The following PGAP2 variants were observed in gnomAD, a reference collection of about 807,000 sequenced individuals.
PGAP2 encodes the protein acyltransferase PGAP2.
Under a neutral mutation model 33.2 loss-of-function variants are expected in PGAP2, and 21 were observed. The ratio of observed to expected loss-of-function variants is 0.63; its 90% confidence interval spans 0.45 to 0.91. The LOEUF is 0.91. Among genes scored for constraint, PGAP2 ranks in the 40% least tolerant of loss-of-function variants. The pLI, the probability that PGAP2 is intolerant of heterozygous loss-of-function variation, is 0.00. For missense variants in PGAP2, 345 were observed against 424.0 expected (o/e 0.81, Z 1.64); for synonymous variants, 161 against 172.9 (o/e 0.93, Z 0.54).
chr11:3,809,805 A>G (rs1225397710), intron 1 of PGAP2, among the ~76,000 whole-genome samples: 4 of 152,202 alleles, frequency 2.6e-5, no homozygotes, highest in Non-Finnish European at 5.9e-5. Context: ...AACTTGAGCA[A>G]TTGGAGCAGG....
At position 3,823,937 on chromosome 11, in the gene PGAP2, C is replaced by T; in HGVS notation, c.403C>T (p.Arg135Cys). The part of the protein sequence containing the change: ...SSAIGGEVPQ[R>C]YVWRFCIGLH... ...AGCCATCGGCGGGGAGGTGCCCCAG[C>T]GCTACGTGTGGCGTTTCTGCATCGG... The change falls in exon 4 of 7, where the codon CGC becomes TGC. Residue 135 changes from arginine to cysteine, a missense_variant. Arg to Cys is a radical substitution (Grantham distance 180). Coordinates refer to ENST00000278243, the MANE Select transcript of PGAP2 (RefSeq NM_014489.4). The T allele has an allele frequency of 3.1e-6, 5 of 1,604,620 alleles. No individual in the cohort carries two copies. The highest frequency in any genetic ancestry group is 4.2e-6 in the Non-Finnish European group (5 of 1,179,898).
upstream of PGAP2, among the ~76,000 whole-genome samples, chr11:3,803,667 T>C (rs1220611007): frequency 6.6e-6 from 1 of 151,450 alleles, no homozygotes; most frequent in Non-Finnish European, 1.5e-5. Context: ...ACATTAAATG[T>C]TCCACCTGCC....
intron 1 of PGAP2, among the ~76,000 whole-genome samples, 190 bp downstream of exon 1, chr11:3,808,841 C>G (rs1370380221): frequency 6.6e-6 from 1 of 152,212 alleles, no homozygotes; most frequent in African/African-American, 2.4e-5. Flanking sequence ...TCTTCTCCCT[C>G]CCCAGCGTGG....
Position 3,825,370 on chromosome 11 carries a change from C to T in PGAP2, c.860C>T (p.Thr287Ile). ...FAILEYTVVLTNMAFHMTAWW... is the reference protein window; with the variant it reads ...FAILEYTVVLINMAFHMTAWW... ...ATCCTGGAGTACACTGTTGTCTTAA[C>T]CAACATGGCGTTCCACATGACGGCC... Residue 287 changes from threonine (T) to isoleucine (I), a missense_variant, in exon 7 of 7, where the codon ACC becomes ATC. Around this residue, in one of 2 missense-constraint regions of PGAP2, gnomAD observed 311 missense variants for 353.6 expected, o/e 0.88. Transcript: ENST00000278243. 1 of 1,613,716 alleles carries T rather than the reference C, an allele frequency of 6.2e-7. No homozygotes were observed. The highest frequency in any genetic ancestry group is 8.5e-7 in the Non-Finnish European group (1 of 1,179,714).
upstream of PGAP2, chr11:3,808,548 C>T (rs939446708): frequency 2.2e-6 from 3 of 1,394,356 alleles, no homozygotes; most frequent in African/African-American, 1.5e-5. Context: ...GAGCGCCGGC[C>T]CCGCCCCCGC....
At chr11:3,808,068 G>A, upstream of PGAP2, 3 of 1,115,248 alleles carry the variant, frequency 2.7e-6, no homozygotes, top group South Asian at 5.1e-5. Context: ...GTGCCTCACC[G>A]GGTCTCACTG....
upstream of PGAP2, among the ~76,000 whole-genome samples, chr11:3,806,849 C>A (rs915817219): frequency 4.6e-5 from 7 of 151,956 alleles, no homozygotes; most frequent in African/African-American, 1.5e-4. Flanking sequence ...TGGCGAAACC[C>A]CATCTCTACT....
Position 3,811,541 on chromosome 11 carries a change from G to T in PGAP2, c.165+117G>T. ...CACTGGGGCCCATCAAACATACGGG[G>T]CTGCTGGGGGGATGCCTGCAAATTG... On this transcript the variant is annotated intron_variant, in intron 2 of 6. Coordinates refer to ENST00000278243, the MANE Select transcript of PGAP2 (RefSeq NM_014489.4). This position sits in a 1 kb window ranked among gnomAD's most constrained non-coding sequence, Gnocchi z 4.6. 1.1e-6 allele frequency: 1 copy of T among 952,326 alleles called. No individual in the cohort carries two copies. Among genetic ancestry groups the T allele is most frequent in the South Asian group, 1.8e-5 (1 of 56,558 alleles). 59.0% of individuals were successfully genotyped at this position (952,326 alleles called of 1,614,324 possible). A position where few individuals can be genotyped will look rare whatever the true frequency, so the allele number is the denominator to read the frequency against.
intron 2 of PGAP2, among the ~76,000 whole-genome samples, chr11:3,814,861 T>TC (rs1349305248): frequency 4.0e-5 from 6 of 150,862 alleles, no homozygotes; most frequent in African/African-American, 1.2e-4. Context: ...CTTCTTTCTT[T>TC]CTTTTCTTTC....
rs760683179 is a variant in PGAP2 at position 3,825,452 on chromosome 11, A to G, written c.942A>G (p.Arg314=). ...TAACCTCTCAGCCTGAGGAAAAGCGATTCTGAACCCTTCAGTCCTGCTTGG... is the reference window on the plus strand; with the variant it reads ...TAACCTCTCAGCCTGAGGAAAAGCGGTTCTGAACCCTTCAGTCCTGCTTGG... ...LLITSQPEEK[R]F The change falls in exon 7 of 7, where the codon CGA becomes CGG. Residue 314 remains arginine, a synonymous_variant. Transcript: ENST00000278243. 1.2e-6 allele frequency: 2 copies of G among 1,613,108 alleles called. No individual in the cohort carries two copies.
Position 3,817,404 on chromosome 11 carries a change from G to T in PGAP2, c.217G>T (p.Gly73Trp), listed in dbSNP as rs772980158. ...GGCCTCCCAGCCTTTGGACCCCGATGGGACCTTGTTCCGGCTTCGCTTCAC... is the reference window on the plus strand; with the variant it reads ...GGCCTCCCAGCCTTTGGACCCCGATTGGACCTTGTTCCGGCTTCGCTTCAC... ...SAASQPLDPD[G>W]TLFRLRFTAM... Residue 73 changes from glycine (G) to tryptophan (W), a missense_variant, in exon 3 of 7, where the codon GGG (glycine) becomes TGG (tryptophan). Transcript: ENST00000278243. 7 of 1,614,178 alleles carry T rather than the reference G, an allele frequency of 4.3e-6. No individual in the cohort carries two copies. The highest frequency in any genetic ancestry group is 5.9e-6 in the Non-Finnish European group (7 of 1,180,026).
chr11:3,800,029 T>C (rs1295364650), intron 1 of PGAP2, among the ~76,000 whole-genome samples: 1 of 152,180 alleles, frequency 6.6e-6, no homozygotes, highest in Non-Finnish European at 1.5e-5. Context: ...AGAAACACGG[T>C]ACATTGTAGG....
chr11:3,811,487 A>G lies in PGAP2; in HGVS notation c.165+63A>G. Reference sequence around the variant, plus strand: ...GATCTGGATCTTCTTTAGATCTTGAATATCTTTTAACAAGATTAGCCAGCT... The same window carrying G: ...GATCTGGATCTTCTTTAGATCTTGAGTATCTTTTAACAAGATTAGCCAGCT... On this transcript the variant is annotated intron_variant, in intron 2 of 6. Transcript: ENST00000278243. This position sits in a 1 kb window ranked among gnomAD's most constrained non-coding sequence, Gnocchi z 4.6. The G allele has an allele frequency of 6.8e-7, 1 of 1,471,198 alleles. No individual in the cohort carries two copies. Among genetic ancestry groups the G allele is most frequent in the Non-Finnish European group, 9.3e-7 (1 of 1,075,572 alleles). The allele number at this position is 1,471,198 out of a possible 1,614,324, so 91.1% of individuals were successfully genotyped here.
upstream of PGAP2, among the ~76,000 whole-genome samples, chr11:3,803,900 C>T (rs377166191): frequency 2.6e-5 from 4 of 151,812 alleles, no homozygotes; most frequent in South Asian, 4.2e-4. Context: ...AAGTGATTCT[C>T]GTGCCTCAGC....
chr11:3,808,008 C>T (rs973394876), upstream of PGAP2: 8 of 1,335,080 alleles, frequency 6.0e-6, no homozygotes, highest in South Asian at 3.4e-5. Context: ...GGACAGGGCG[C>T]CCTCTCCTGA....
intron 1 of PGAP2, among the ~76,000 whole-genome samples, chr11:3,801,041 G>A (rs10835113): frequency 0.65 from 96,493 of 149,546 alleles, 32,264 homozygotes; most frequent in East Asian, 0.8. Context: ...GGCTGAGGCA[G>A]GAGAATTGCT....
upstream of PGAP2, among the ~76,000 whole-genome samples, chr11:3,807,063 C>T (rs1460641165): frequency 2.0e-5 from 3 of 150,978 alleles, no homozygotes; most frequent in Non-Finnish European, 3.0e-5. Flanking sequence ...AGGCCAGGCG[C>T]GGTGGCTTAC....
intron 1 of PGAP2, among the ~76,000 whole-genome samples, chr11:3,800,322 G>A (rs74441396): frequency 0.023 from 3,423 of 152,050 alleles, 124 homozygotes; most frequent in African/African-American, 0.076. Flanking sequence ...ACTTATTTTG[G>A]TGTCCCTAAG....
At chr11:3,810,942 C>T (rs768451186) in intron 1 of PGAP2, among the ~76,000 whole-genome samples, 6 of 152,214 alleles carry the variant, frequency 3.9e-5, no homozygotes, top group Non-Finnish European at 7.3e-5. Flanking sequence ...AGCAGCTTCT[C>T]TAGTCCTAGG....
Sources: gnomAD v4.1 joint callset for allele counts (sites outside exome capture counted in the v4.1 genomes callset) on GRCh38, gnomAD v4.1.1 for gene constraint, gnomAD v4.1.1 regional missense constraint, Gnocchi (gnomAD v3.1) non-coding constraint, MANE v1.5 for transcripts, NCBI Gene and HGNC (gene_info 2026-07-23, HGNC 2026-07-21) for gene names.